LRCH3: variants seen among roughly 807,000 people sequenced by gnomAD.
LRCH3 encodes the protein DISP complex protein LRCH3.
In LRCH3, 68 loss-of-function variants were observed where a neutral mutation model predicts 104.5. The ratio of observed to expected loss-of-function variants is 0.65; its 90% confidence interval spans 0.54 to 0.80. The LOEUF (loss-of-function observed/expected upper bound fraction) is 0.80, where lower values mean the gene tolerates loss of function less well. LRCH3 is among the 30% of genes least tolerant of loss of function. The probability of loss-of-function intolerance (pLI) is 0.00; values close to 1 mark genes in which losing one functional copy is unlikely to be tolerated. For missense variants in LRCH3, 951 were observed against 953.9 expected (o/e 1.00, Z 0.04); for synonymous variants, 344 against 361.3 (o/e 0.95, Z 0.54).
chr3:197,799,118 G>A (rs1294066402), intron 1 of LRCH3, among the ~76,000 whole-genome samples: 2 of 152,192 alleles, frequency 1.3e-5, no homozygotes, highest in African/African-American at 2.4e-5. Flanking sequence ...TTGAGAGTAC[G>A]GGAGTGACAG....
At chr3:197,841,891 T>C (rs1420921968) in intron 10 of LRCH3, among the ~76,000 whole-genome samples, 1 of 152,130 alleles carries the variant, frequency 6.6e-6, no homozygotes, top group East Asian at 1.9e-4. Context: ...TGGGGTGCAG[T>C]GTTGTGATCA....
chr3:197,802,650 T>TTA (rs1224100630), intron 1 of LRCH3, among the ~76,000 whole-genome samples: 6 of 152,188 alleles, frequency 3.9e-5, no homozygotes, highest in Non-Finnish European at 8.8e-5. Flanking sequence ...GGTGAGAGAC[T>TTA]TACTGATTCA....
chr3:197,825,637 G>A (rs1405677267), intron 4 of LRCH3, among the ~76,000 whole-genome samples: 6 of 150,688 alleles, frequency 4.0e-5, no homozygotes, highest in East Asian at 1.9e-4. Context: ...CCGCCACCAC[G>A]CCCAGCTAAT....
intron 4 of LRCH3, chr3:197,823,457 T>C (rs1051589897): frequency 6.6e-6 from 1 of 151,924 alleles, no homozygotes; most frequent in Non-Finnish European, 1.5e-5. Flanking sequence ...CCAATTTCAA[T>C]GGCCAAAAGT....
At chr3:197,809,594 T>C (rs1464616963) in intron 1 of LRCH3, among the ~76,000 whole-genome samples, 1 of 151,830 alleles carries the variant, frequency 6.6e-6, no homozygotes, top group African/African-American at 2.4e-5. Flanking sequence ...TTTTTTTTTT[T>C]TCCCCCAATC....
chr3:197,817,360 GTATA>G (rs58866690), intron 3 of LRCH3, 58 bp downstream of exon 3: 401 of 88,382 alleles, frequency 4.5e-3, no homozygotes, highest in Middle Eastern at 0.01. Flanking sequence ...GTGTGTGTGT[GTATA>G]TATATATATA....
chr3:197,833,277 T>A (rs958935359), intron 8 of LRCH3, among the ~76,000 whole-genome samples: 1 of 143,340 alleles, frequency 7.0e-6, no homozygotes, highest in African/African-American at 2.6e-5. Context: ...CCCAACACTT[T>A]GGGAGGTTGA....
chr3:197,845,151 G>T (rs1436874692), intron 10 of LRCH3, among the ~76,000 whole-genome samples: 1 of 152,172 alleles, frequency 6.6e-6, no homozygotes, highest in Non-Finnish European at 1.5e-5. Flanking sequence ...CTATGTACTT[G>T]TAATCCCAGC....
chr3:197,825,541 T>A (rs562277729), intron 4 of LRCH3, among the ~76,000 whole-genome samples: 6 of 127,364 alleles, frequency 4.7e-5, no homozygotes, highest in African/African-American at 1.7e-4. Context: ...GTGCAGTGGC[T>A]CAATCTCGGC....
chr3:197,799,906 G>C (rs1455492293), intron 1 of LRCH3, among the ~76,000 whole-genome samples: 2 of 151,818 alleles, frequency 1.3e-5, no homozygotes, highest in Non-Finnish European at 2.9e-5. Flanking sequence ...AACAGGCCGG[G>C]TGCAGTGGCT....
At chr3:197,795,368 G>A (rs1731073228) in intron 1 of LRCH3, among the ~76,000 whole-genome samples, 1 of 152,154 alleles carries the variant, frequency 6.6e-6, no homozygotes. Context: ...TGGTCAGTCA[G>A]TATATAGTCC....
Position 197,854,433 on chromosome 3 carries a change from T to A in LRCH3, c.1632T>A (p.Ser544Arg), listed in dbSNP as rs770584007. ...PSRRSQHTDD[S>R]ALCMSLSGLN... ...GAAGGTCTCAGCACACTGATGATAG[T>A]GCCTTGTGCATGGTAAGAGTTTTGC... Residue 544 changes from serine to arginine, a missense_variant, in exon 14 of 21, where the codon AGT (serine) becomes AGA (arginine). Coordinates refer to ENST00000425562, the MANE Select transcript of LRCH3 (RefSeq NM_001365715.1). This position sits in a 1 kb window ranked among gnomAD's most constrained non-coding sequence, Gnocchi z 4.5. 6.2e-7 allele frequency: 1 copy of A among 1,614,176 alleles called. No homozygotes were observed. The highest frequency in any genetic ancestry group is 8.5e-7 in the Non-Finnish European group (1 of 1,179,980).
chr3:197,852,774 G>A (rs1276707732), intron 13 of LRCH3, among the ~76,000 whole-genome samples, 154 bp downstream of exon 13: 2 of 152,106 alleles, frequency 1.3e-5, no homozygotes, highest in Admixed American at 6.5e-5. Flanking sequence ...GATGATACAA[G>A]CCAAGGAGTT....
At position 197,881,358 on chromosome 3, in the gene LRCH3, C is replaced by T; in HGVS notation, c.2209-2183C>T. On this transcript the variant is annotated intron_variant, in intron 20 of 20. Transcript: ENST00000425562. Reference sequence around the variant, plus strand: ...TCAGAATGTTCAGTTTGAAGATCACCCACATTCCCTAGACTGCTCTTCTGA... The same window carrying T: ...TCAGAATGTTCAGTTTGAAGATCACTCACATTCCCTAGACTGCTCTTCTGA... The T allele has an allele frequency of 5.1e-6, 5 of 988,252 alleles. No individual in the cohort carries two copies. The South Asian group carries it at 2.3e-4, about 46-fold the overall frequency. 61.2% of individuals were successfully genotyped at this position (988,252 alleles called of 1,614,324 possible). A position where few individuals can be genotyped will look rare whatever the true frequency, so the allele number is the denominator to read the frequency against.
At chr3:197,813,015 C>A (rs1324741910) in intron 1 of LRCH3, among the ~76,000 whole-genome samples, 1 of 152,162 alleles carries the variant, frequency 6.6e-6, no homozygotes, top group Non-Finnish European at 1.5e-5. Flanking sequence ...TCTCCACATT[C>A]TTAACAACAC....
At chr3:197,846,843 C>T (rs1044137568) in intron 10 of LRCH3, among the ~76,000 whole-genome samples, 1 of 152,010 alleles carries the variant, frequency 6.6e-6, no homozygotes, top group Non-Finnish European at 1.5e-5. Flanking sequence ...TAAGAATTAA[C>T]ACTGATAGCA....
chr3:197,821,048 C>T (rs1734437705), intron 4 of LRCH3, among the ~76,000 whole-genome samples: 1 of 152,026 alleles, frequency 6.6e-6, no homozygotes, highest in African/African-American at 2.4e-5. Flanking sequence ...AGGGTAGGGT[C>T]CCTGGAAATT....
intron 1 of LRCH3, among the ~76,000 whole-genome samples, chr3:197,795,318 A>T (rs1299975488): frequency 4.6e-5 from 7 of 152,106 alleles, no homozygotes; most frequent in African/African-American, 7.2e-5. Flanking sequence ...TATGAACCCC[A>T]CCCTGGCATA....
chr3:197,850,581 A>G (rs1443274107), intron 12 of LRCH3: 28 of 1,586,262 alleles, frequency 1.8e-5, no homozygotes, highest in Non-Finnish European at 1.0e-5. Flanking sequence ...CCGGCGGCAC[A>G]TCTCAGGTGC....
Sources: allele counts gnomAD v4.1 joint callset (sites outside exome capture counted in the v4.1 genomes callset), GRCh38; gene constraint gnomAD v4.1.1; non-coding constraint Gnocchi (gnomAD v3.1); transcripts MANE v1.5; gene names NCBI Gene and HGNC (gene_info 2026-07-23, HGNC 2026-07-21).